SHISA6: variants seen among roughly 807,000 people sequenced by gnomAD.
The protein encoded by SHISA6 is protein shisa-6.
In SHISA6, 22 loss-of-function variants were observed where a neutral mutation model predicts 47.9. The ratio of observed to expected loss-of-function variants is 0.46; its 90% CI spans 0.33 to 0.66. SHISA6 has a LOEUF of 0.66. SHISA6 is among the 30% of genes least tolerant of loss of function. The pLI is 0.02. For synonymous variants in SHISA6, 388 were observed against 337.8 expected, an observed-to-expected ratio of 1.15 and a Z score of -1.63; for missense variants, 680 against 764.6, an observed-to-expected ratio of 0.89 and a Z score of 1.30.
intron 2 of SHISA6, chr17:11,290,864 C>T (rs1323246832): frequency 1.3e-5 from 2 of 152,002 alleles, no homozygotes; most frequent in South Asian, 2.1e-4. Flanking sequence ...ATGGGACTTT[C>T]GTGTCTGCTT....
intron 2 of SHISA6, among the ~76,000 whole-genome samples, chr17:11,278,175 G>A (rs2142158834): frequency 6.6e-6 from 1 of 152,306 alleles, no homozygotes; most frequent in Non-Finnish European, 1.5e-5. Context: ...TGGACTGTGA[G>A]TGCTTAGAAT....
chr17:11,351,980 C>G lies in SHISA6; in HGVS notation c.800-27434C>G, dbSNP rs138010483. On this transcript the variant is annotated intron_variant, in intron 2 of 5. Coordinates refer to ENST00000441885, the MANE Select transcript of SHISA6 (RefSeq NM_207386.4). ...GACATAGGTTTTAGGAGAAGGATAA[C>G]TTTAAATTTTTGGTGAGATATTGGT... is the stretch of plus-strand genomic sequence containing the variant. Among the ~76,000 whole-genome samples, 225 of 152,150 alleles carry G rather than the reference C, an allele frequency of 1.5e-3. 1 individual carries two copies. Among genetic ancestry groups the G allele is most frequent in the African/African-American group, 5.0e-3 (208 of 41,538 alleles).
chr17:11,368,954 C>T (rs971800876), intron 2 of SHISA6, among the ~76,000 whole-genome samples: 19 of 152,268 alleles, frequency 1.2e-4, no homozygotes, highest in African/African-American at 2.6e-4. Context: ...CGAACCCGGC[C>T]GAATTATTGT....
At chr17:11,402,489 T>G (rs1913810736) in intron 3 of SHISA6, among the ~76,000 whole-genome samples, 1 of 152,264 alleles carries the variant, frequency 6.6e-6, no homozygotes, top group Non-Finnish European at 1.5e-5. Flanking sequence ...ATGAGAGGCA[T>G]TCTCAGCCTA....
chr17:11,307,719 T>C (rs1440225311), intron 2 of SHISA6, among the ~76,000 whole-genome samples: 1 of 152,226 alleles, frequency 6.6e-6, no homozygotes, highest in Non-Finnish European at 1.5e-5. Context: ...TATGCTCTCA[T>C]GAAGTTTACC....
chr17:11,440,744 C>T (rs1915073174), intron 3 of SHISA6, among the ~76,000 whole-genome samples: 1 of 151,920 alleles, frequency 6.6e-6, no homozygotes, highest in African/African-American at 2.4e-5. Context: ...GCCAAAACCA[C>T]CACCACAACC....
intron 2 of SHISA6, among the ~76,000 whole-genome samples, chr17:11,379,198 G>A (rs1334388411): frequency 1.4e-5 from 2 of 146,974 alleles, no homozygotes; most frequent in African/African-American, 5.0e-5. Context: ...AATTATATAT[G>A]TGTATATGTA....
chr17:11,550,621 G>A (rs1050671332), intron 3 of SHISA6, among the ~76,000 whole-genome samples: 6 of 152,090 alleles, frequency 3.9e-5, no homozygotes, highest in African/African-American at 1.2e-4. Flanking sequence ...CCAGGCCCAC[G>A]GAACAACAGT....
chr17:11,248,362 A>T (rs777162627), intron 1 of SHISA6, among the ~76,000 whole-genome samples: 3 of 152,186 alleles, frequency 2.0e-5, no homozygotes, highest in Non-Finnish European at 4.4e-5. Flanking sequence ...TTTACAAGTG[A>T]GGCAACTGAA....
At chr17:11,460,518 A>G (rs1254888230) in intron 3 of SHISA6, among the ~76,000 whole-genome samples, 3 of 152,132 alleles carry the variant, frequency 2.0e-5, no homozygotes, top group Non-Finnish European at 4.4e-5. Flanking sequence ...CAGCCTCCTG[A>G]GTAGCTGGGA....
intron 3 of SHISA6, among the ~76,000 whole-genome samples, chr17:11,521,536 C>T (rs2071629313): frequency 6.6e-6 from 1 of 152,166 alleles, no homozygotes; most frequent in Non-Finnish European, 1.5e-5. Context: ...GTAATCTCAG[C>T]ACTTTGGGAA....
rs116201054 is a variant in SHISA6, at chr17:11,260,896, G to A, written c.639-2470G>A. On this transcript the variant is annotated intron_variant, in intron 1 of 5. Coordinates refer to ENST00000441885, the MANE Select transcript of SHISA6 (RefSeq NM_207386.4). ...CTCCCTGTTGTTCTCTCAGATGCTGGAAGCTGCTGCCCACTCTTTTGCAAA... is the reference window on the plus strand; with the variant it reads ...CTCCCTGTTGTTCTCTCAGATGCTGAAAGCTGCTGCCCACTCTTTTGCAAA... 3.2e-3 allele frequency among the ~76,000 whole-genome samples: 483 copies of A among 152,104 alleles called. 4 individuals are homozygous for A. The highest frequency in any genetic ancestry group is 0.011 in the African/African-American group (452 of 41,480).
intron 2 of SHISA6, among the ~76,000 whole-genome samples, chr17:11,331,590 C>A (rs902284186): frequency 6.6e-6 from 1 of 152,082 alleles, no homozygotes; most frequent in African/African-American, 2.4e-5. Context: ...ATGCATTAAA[C>A]CAAATGCATG....
rs918078120 is a variant in SHISA6, at chr17:11,413,239, T to C, written c.895+33730T>C. Among the ~76,000 whole-genome samples the C allele has an allele frequency of 2.0e-5, 3 of 152,192 alleles. 1 individual carries two copies. The highest frequency in any genetic ancestry group is 4.4e-5 in the Non-Finnish European group (3 of 68,034). On this transcript the variant is annotated intron_variant, in intron 3 of 5. Coordinates refer to ENST00000441885, the MANE Select transcript of SHISA6 (RefSeq NM_207386.4). ...GATCACCCTAACTCCAGTCAGACTTTCGATGATACGTCATTTCGTGTCAGG... is the reference window on the plus strand; with the variant it reads ...GATCACCCTAACTCCAGTCAGACTTCCGATGATACGTCATTTCGTGTCAGG...
chr17:11,498,941 G>A lies in SHISA6; in HGVS notation c.896-52955G>A, dbSNP rs560790031. ...CCTCACTCAGTAAGTGTTTGTTTTT[G>A]CTACTTTATTGTCATTATTATTATT... On this transcript the variant is annotated intron_variant, in intron 3 of 5. Transcript: ENST00000441885. Among the ~76,000 whole-genome samples, 5 of 152,290 alleles carry A rather than the reference G, an allele frequency of 3.3e-5. No individual in the cohort carries two copies. The South Asian group carries it at 8.3e-4, about 25-fold the overall frequency.
intron 3 of SHISA6, among the ~76,000 whole-genome samples, chr17:11,383,817 T>G (rs1047200861): frequency 6.6e-6 from 1 of 152,180 alleles, no homozygotes; most frequent in Non-Finnish European, 1.5e-5. Flanking sequence ...GATGCTGATC[T>G]GAATGACCAT....
chr17:11,402,402 C>T (rs1176983804), intron 3 of SHISA6, among the ~76,000 whole-genome samples: 2 of 152,200 alleles, frequency 1.3e-5, no homozygotes, highest in Non-Finnish European at 2.9e-5. Context: ...TGTTAATCAA[C>T]ATACACAGTT....
intron 3 of SHISA6, among the ~76,000 whole-genome samples, chr17:11,414,394 G>C (rs1415227775): frequency 6.6e-6 from 1 of 152,074 alleles, no homozygotes; most frequent in Non-Finnish European, 1.5e-5. Flanking sequence ...CATTCATCTT[G>C]ACCCAGGCAG....
chr17:11,244,145 A>G (rs546856855), intron 1 of SHISA6, among the ~76,000 whole-genome samples: 56 of 152,176 alleles, frequency 3.7e-4, no homozygotes, highest in Non-Finnish European at 6.6e-4. Context: ...GGGGAAGCAG[A>G]GTAACCACGG....
Sources: gnomAD v4.1 joint callset for allele counts (sites outside exome capture counted in the v4.1 genomes callset) on GRCh38, gnomAD v4.1.1 for gene constraint, MANE v1.5 for transcripts, NCBI Gene and HGNC (gene_info 2026-07-23, HGNC 2026-07-21) for gene names.